The following MKRN2 variants were observed in gnomAD, a reference collection of about 807,000 sequenced individuals.
MKRN2 encodes E3 ubiquitin-protein ligase makorin-2.
A neutral mutation model predicts 45.4 loss-of-function variants in MKRN2; 32 were observed. The ratio of observed to expected loss-of-function variants is 0.70; its 90% confidence interval spans 0.53 to 0.95. The LOEUF (loss-of-function observed/expected upper bound fraction) is 0.95. MKRN2 is among the 40% of genes least tolerant of loss of function. The pLI is 0.00. For synonymous variants in MKRN2, 206 were observed against 192.4 expected (o/e 1.07, Z -0.59); for missense variants, 526 against 536.7 (o/e 0.98, Z 0.20).
At position 12,576,738 on chromosome 3, in the gene MKRN2, TGG is replaced by T; in HGVS notation, c.968_968+1del. 1 of 1,591,492 alleles carries T rather than the reference TGG, an allele frequency of 6.3e-7. No homozygotes were observed. On this transcript the variant is annotated frameshift_variant and splice_region_variant, in exon 6 of 8. Coordinates refer to ENST00000170447, the MANE Select transcript of MKRN2 (RefSeq NM_014160.5). LOFTEE classifies it high-confidence loss of function. ...TTGATTGAAGCTTTCAAACAGGGGA[TGG>T]GGTAAGTGCTTTTGAGTTTCGACGT...
In MKRN2 at chr3:12,572,213, G is replaced by A. The variant is rs368945512; in HGVS notation, c.482G>A (p.Ser161Asn). 6.2e-7 allele frequency: 1 copy of A among 1,614,112 alleles called. No homozygotes were observed. The highest frequency in any genetic ancestry group is 8.5e-7 in the Non-Finnish European group (1 of 1,180,010). The part of the protein sequence containing the change: ...IRSGLDDVEA[S>N]SSYSNEQQLC... Reference sequence around the variant, plus strand: ...AGTGGCCTTGATGACGTGGAGGCCAGCAGCTCCTACAGCAACGAGCAGCAG... The same window carrying A: ...AGTGGCCTTGATGACGTGGAGGCCAACAGCTCCTACAGCAACGAGCAGCAG... Residue 161 changes from serine (S) to asparagine (N), a missense_variant, in exon 4 of 8, where the codon AGC (serine) becomes AAC (asparagine). Coordinates refer to ENST00000170447, the MANE Select transcript of MKRN2 (RefSeq NM_014160.5).
chr3:12,574,996 C>G lies in MKRN2; in HGVS notation c.847C>G (p.Pro283Ala). The G allele has an allele frequency of 3.1e-6, 5 of 1,613,864 alleles. No individual in the cohort carries two copies. Among genetic ancestry groups the G allele is most frequent in the Non-Finnish European group, 4.2e-6 (5 of 1,179,758 alleles). Residue 283 changes from proline (P) to alanine (A), a missense_variant, in exon 5 of 8, where the codon CCA (proline) becomes GCA (alanine). Physicochemically the swap from Pro to Ala is conservative, Grantham distance 27. Transcript: ENST00000170447. ...QWRCAKQFEN[P>A]IIKSCPECRV... Reference sequence around the variant, plus strand: ...GCGGTGTGCCAAACAGTTTGAAAACCCAATCATTAAGTAAGTACAGCCAGG... The same window carrying G: ...GCGGTGTGCCAAACAGTTTGAAAACGCAATCATTAAGTAAGTACAGCCAGG...
At chr3:12,576,931 G>GTGTTTTTTTTTT (rs2058141935) in intron 6 of MKRN2, 190 bp downstream of exon 6, 1 of 124,118 alleles carries the variant, frequency 8.1e-6, no homozygotes, top group Non-Finnish European at 1.5e-5. Context: ...TTTAGTTTTG[G>GTGTTTTTTTTTT]TGTTTTTTTT....
At chr3:12,577,958 T>C (rs1329690339) in intron 6 of MKRN2, among the ~76,000 whole-genome samples, 1 of 152,222 alleles carries the variant, frequency 6.6e-6, no homozygotes, top group East Asian at 1.9e-4. Context: ...ATTACAGGCA[T>C]GAGCCACTGC....
At chr3:12,576,377 T>A (rs2058136728) in intron 5 of MKRN2, among the ~76,000 whole-genome samples, 1 of 152,134 alleles carries the variant, frequency 6.6e-6, no homozygotes, top group African/African-American at 2.4e-5. Context: ...GTGCTGATGT[T>A]CTCCCTCCCC....
rs1421728574 is a variant in MKRN2 at position 12,582,298 on chromosome 3, T to C, written c.*45T>C. ...CATCTTGGGCTCCATCGGCCGAAACTTTCCCAAGCCAGGGTGTGCGGAGCT... is the reference window on the plus strand; with the variant it reads ...CATCTTGGGCTCCATCGGCCGAAACCTTCCCAAGCCAGGGTGTGCGGAGCT... On this transcript the variant is annotated 3_prime_UTR_variant, in exon 8 of 8. Transcript: ENST00000170447. 2 of 1,608,702 alleles carry C rather than the reference T, an allele frequency of 1.2e-6. No homozygotes were observed. The highest frequency in any genetic ancestry group is 2.2e-5 in the East Asian group (1 of 44,744).
chr3:12,566,240 C>T (rs1039708363), intron 1 of MKRN2, among the ~76,000 whole-genome samples: 1 of 152,180 alleles, frequency 6.6e-6, no homozygotes, highest in South Asian at 2.1e-4. Context: ...GTACCAAGAC[C>T]TAGAATATGC....
At chr3:12,575,107 CT>C in intron 5 of MKRN2, 101 bp downstream of exon 5, 7 of 1,068,584 alleles carry the variant, frequency 6.6e-6, no homozygotes, top group Non-Finnish European at 9.6e-6. Flanking sequence ...TCAAGAGTAA[CT>C]GGTGAGTTCT....
In MKRN2 at chr3:12,575,017, CCAGGGGTCT is replaced by C; in HGVS notation, c.857+12_857+20del. Reference sequence around the variant, plus strand: ...AAACCCAATCATTAAGTAAGTACAGCCAGGGGTCTTAGCTGTGGGAGCTAGGAGAATGTT... The same window carrying C: ...AAACCCAATCATTAAGTAAGTACAGCTAGCTGTGGGAGCTAGGAGAATGTT... On this transcript the variant is annotated intron_variant, in intron 5 of 7. Transcript: ENST00000170447. 6.2e-7 allele frequency: 1 copy of C among 1,609,974 alleles called. No homozygotes were observed. The highest frequency in any genetic ancestry group is 8.5e-7 in the Non-Finnish European group (1 of 1,176,360).
At chr3:12,557,681 C>T (rs1305650414) in intron 1 of MKRN2, among the ~76,000 whole-genome samples, 2 of 152,232 alleles carry the variant, frequency 1.3e-5, no homozygotes, top group Admixed American at 6.5e-5. Flanking sequence ...TGGAAAATAA[C>T]GACAGGTAGC....
intron 1 of MKRN2, among the ~76,000 whole-genome samples, chr3:12,559,772 C>T (rs2058021155): frequency 6.6e-6 from 1 of 152,196 alleles, no homozygotes; most frequent in Non-Finnish European, 1.5e-5. Context: ...CAACCATCTC[C>T]CTGTCTTCCA....
chr3:12,579,746 G>A (rs1432866421), intron 6 of MKRN2, among the ~76,000 whole-genome samples: 1 of 152,142 alleles, frequency 6.6e-6, no homozygotes, highest in East Asian at 1.9e-4. Context: ...AGAAGGATGT[G>A]GTGGGACCTA....
chr3:12,569,577 T>C (rs2058087139), intron 2 of MKRN2, among the ~76,000 whole-genome samples: 1 of 152,200 alleles, frequency 6.6e-6, no homozygotes, highest in Non-Finnish European at 1.5e-5. Flanking sequence ...GATCTTTTCT[T>C]TCTAGACTGC....
intron 1 of MKRN2, among the ~76,000 whole-genome samples, chr3:12,568,255 T>C (rs961079703): frequency 2.6e-5 from 4 of 152,216 alleles, no homozygotes; most frequent in Non-Finnish European, 5.9e-5. Flanking sequence ...GCCATTGCAC[T>C]TCAGCCTGGG....
chr3:12,580,802 C>T (rs1233916872), intron 6 of MKRN2, among the ~76,000 whole-genome samples: 1 of 152,208 alleles, frequency 6.6e-6, no homozygotes, highest in East Asian at 1.9e-4. Flanking sequence ...CCTCAGAGAA[C>T]TTCACCACCG....
At chr3:12,581,740 AG>A in intron 6 of MKRN2, 67 bp from the exon 7 acceptor site, 1 of 1,554,858 alleles carries the variant, frequency 6.4e-7, no homozygotes, top group South Asian at 1.1e-5. Context: ...GGATGGAGGC[AG>A]GCAGTGGCCC....
intron 1 of MKRN2, among the ~76,000 whole-genome samples, chr3:12,564,662 T>G (rs1271848947): frequency 6.6e-6 from 1 of 152,190 alleles, no homozygotes; most frequent in Admixed American, 6.5e-5. Flanking sequence ...GTTTGAAGTG[T>G]ACAGTGCAAA....
At chr3:12,562,303 A>G (rs1398764890) in intron 1 of MKRN2, among the ~76,000 whole-genome samples, 2 of 152,172 alleles carry the variant, frequency 1.3e-5, no homozygotes, top group African/African-American at 2.4e-5. Flanking sequence ...AAAATTTTGT[A>G]TCTGTGTAGA....
chr3:12,564,156 G>A (rs1337938578), intron 1 of MKRN2, among the ~76,000 whole-genome samples: 2 of 151,978 alleles, frequency 1.3e-5, no homozygotes, highest in Admixed American at 6.6e-5. Context: ...ATGTTGATCC[G>A]GCTGGTCTCA....
Sources: gnomAD v4.1 joint callset for allele counts (sites outside exome capture counted in the v4.1 genomes callset) on GRCh38, gnomAD v4.1.1 for gene constraint, MANE v1.5 for transcripts, NCBI Gene and HGNC (gene_info 2026-07-23, HGNC 2026-07-21) for gene names.